PGS1: variants seen among roughly 807,000 people sequenced by gnomAD.
PGS1 encodes phosphatidylglycerophosphate synthase 1.
A neutral mutation model predicts 58.3 loss-of-function variants in PGS1; 44 were observed. The observed-to-expected ratio is 0.75, with a 90% confidence interval of 0.59 to 0.97. The LOEUF is 0.97. PGS1 is among the 50% of genes least tolerant of loss of function. The probability of loss-of-function intolerance (pLI) is 0.00; values close to 1 mark genes in which losing one functional copy is unlikely to be tolerated. For missense variants in PGS1, 684 were observed against 731.1 expected, an observed-to-expected ratio of 0.94 and a Z score of 0.74; for synonymous variants, 330 against 311.0, an observed-to-expected ratio of 1.06 and a Z score of -0.64.
chr17:78,408,705 C>T (rs11871046), intron 7 of PGS1, among the ~76,000 whole-genome samples: 24,134 of 152,198 alleles, frequency 0.16, 2,437 homozygotes, highest in African/African-American at 0.29. Flanking sequence ...GCTTCACCTG[C>T]ATCGCCTTGG....
intron 3 of PGS1, among the ~76,000 whole-genome samples, chr17:78,396,853 C>G (rs1196275212): frequency 6.6e-6 from 1 of 152,252 alleles, no homozygotes; most frequent in African/African-American, 2.4e-5. Context: ...CACACTCATT[C>G]ATTTGTGTAT....
chr17:78,415,553 A>G (rs773866518), intron 8 of PGS1, among the ~76,000 whole-genome samples: 27 of 152,160 alleles, frequency 1.8e-4, no homozygotes, highest in Non-Finnish European at 1.5e-5. Flanking sequence ...AATCGCTTGA[A>G]CCTAGGAAGC....
At chr17:78,401,153 A>T (rs1049997812) in intron 6 of PGS1, among the ~76,000 whole-genome samples, 1 of 152,088 alleles carries the variant, frequency 6.6e-6, no homozygotes, top group Admixed American at 6.5e-5. Context: ...GACTCAGGCA[A>T]GGGTATGCAG....
At chr17:78,390,927 G>T (rs1318792936) in intron 1 of PGS1, among the ~76,000 whole-genome samples, 2 of 152,048 alleles carry the variant, frequency 1.3e-5, no homozygotes, top group Non-Finnish European at 2.9e-5. Flanking sequence ...GAATGAGTAT[G>T]GCTCATCATC....
In PGS1 at chr17:78,420,067, G is replaced by A. The variant is rs912014440; in HGVS notation, c.*10+392G>A. ...GCACACTGGTGCAGGAGATGTAGAC[G>A]TGGGAGGAGGGGAGCACGTTTGCTC... On this transcript the variant is annotated intron_variant, in intron 9 of 9. Coordinates refer to ENST00000262764, the MANE Select transcript of PGS1 (RefSeq NM_024419.5). 5 of 1,062,098 alleles carry A rather than the reference G, an allele frequency of 4.7e-6. No individual in the cohort carries two copies. The South Asian group carries it at 1.2e-4, about 25-fold the overall frequency. 65.8% of individuals were successfully genotyped at this position (1,062,098 alleles called of 1,614,324 possible). A position where few individuals can be genotyped will look rare whatever the true frequency, so the allele number is the denominator to read the frequency against.
At position 78,419,609 on chromosome 17, in the gene PGS1, C is replaced by T. The variant is rs768758442; in HGVS notation, c.1615C>T (p.Arg539Cys). The change falls in exon 9 of 10, where the codon CGC becomes TGC. Residue 539 changes from arginine to cysteine, a missense_variant. Coordinates refer to ENST00000262764, the MANE Select transcript of PGS1 (RefSeq NM_024419.5). ...CTCTGCCACCTTCGAGCAGCCGAGTCGCCAGGTGAAGCTGTGGGTGAAGAT... is the reference window on the plus strand; with the variant it reads ...CTCTGCCACCTTCGAGCAGCCGAGTTGCCAGGTGAAGCTGTGGGTGAAGAT... ...VSSATFEQPSRQVKLWVKMVT... is the reference protein window; with the variant it reads ...VSSATFEQPSCQVKLWVKMVT... 20 of 1,613,978 alleles carry T rather than the reference C, an allele frequency of 1.2e-5. No homozygotes were observed. The highest frequency in any genetic ancestry group is 2.2e-5 in the South Asian group (2 of 91,062).
intron 7 of PGS1, among the ~76,000 whole-genome samples, chr17:78,406,034 C>T (rs572215481): frequency 8.8e-5 from 13 of 147,376 alleles, no homozygotes; most frequent in Middle Eastern, 3.4e-3. Flanking sequence ...ATACTGAAGC[C>T]GGCCAGGCGC....
chr17:78,388,248 G>A (rs550739995), intron 1 of PGS1, among the ~76,000 whole-genome samples: 10 of 152,202 alleles, frequency 6.6e-5, no homozygotes, highest in Non-Finnish European at 1.5e-4. Context: ...GGGGCTCTGG[G>A]CTCATCAGCC....
chr17:78,389,025 A>G (rs1303246979), intron 1 of PGS1, among the ~76,000 whole-genome samples: 3 of 133,660 alleles, frequency 2.2e-5, no homozygotes, highest in African/African-American at 8.5e-5. Flanking sequence ...CTGGGTTGCT[A>G]TGTGCCAAGG....
rs372381715 is a variant in PGS1 at position 78,378,852 on chromosome 17, A to G, written c.143+44A>G. ...ATGAGAGTGCAGCCCTCGCGGCTGC[A>G]GCCCGGCCCCCCGGCGCTCAAACTC... On this transcript the variant is annotated intron_variant, in intron 1 of 9. Transcript: ENST00000262764. The G allele has an allele frequency of 2.7e-4, 363 of 1,359,736 alleles. 2 individuals carry two copies. The African/African-American group carries it at 4.8e-3, about 18-fold the overall frequency. 84.2% of individuals were successfully genotyped at this position (1,359,736 alleles called of 1,614,324 possible). A position where few individuals can be genotyped will look rare whatever the true frequency, so the allele number is the denominator to read the frequency against.
At chr17:78,408,892 T>G (rs2084385866) in intron 7 of PGS1, among the ~76,000 whole-genome samples, 1 of 152,206 alleles carries the variant, frequency 6.6e-6, no homozygotes, top group Admixed American at 6.5e-5. Flanking sequence ...AAGTGCCTCG[T>G]GCTGCCGCAG....
chr17:78,410,827 TCA>T (rs1302312509), intron 7 of PGS1, among the ~76,000 whole-genome samples: 5 of 152,080 alleles, frequency 3.3e-5, no homozygotes, highest in Admixed American at 6.5e-5. Flanking sequence ...ATTATTACTC[TCA>T]GTTTGTTTAT....
chr17:78,419,370 A>G (rs1307424496), intron 8 of PGS1, among the ~76,000 whole-genome samples, 176 bp from the exon 9 acceptor site: 2 of 152,222 alleles, frequency 1.3e-5, no homozygotes, highest in Non-Finnish European at 2.9e-5. Context: ...GACAGTGGCA[A>G]CTTGTAGGGC....
intron 7 of PGS1, among the ~76,000 whole-genome samples, chr17:78,404,545 T>C (rs2083961971): frequency 6.6e-6 from 1 of 151,978 alleles, no homozygotes; most frequent in African/African-American, 2.4e-5. Context: ...TCCCAAGAAG[T>C]GAATTTCAGT....
chr17:78,411,902 CTTTT>C (rs35472026), intron 7 of PGS1, among the ~76,000 whole-genome samples: 1 of 57,986 alleles, frequency 1.7e-5, no homozygotes, highest in African/African-American at 7.6e-5. Context: ...AGGGCTCCTG[CTTTT>C]TTTTTTTTTT....
At chr17:78,379,146 C>G (rs1354347178) in intron 1 of PGS1, among the ~76,000 whole-genome samples, 1 of 152,202 alleles carries the variant, frequency 6.6e-6, no homozygotes, top group Non-Finnish European at 1.5e-5. Context: ...TGTGTGCGTT[C>G]AGGGAGCTTC....
chr17:78,421,354 T>G (rs2085723466), intron 9 of PGS1: 1 of 151,790 alleles, frequency 6.6e-6, no homozygotes, highest in South Asian at 2.1e-4. Context: ...ACTTTGCCTC[T>G]CTAGAAGCAG....
In PGS1 at chr17:78,409,228, C is replaced by T. The variant is rs185128384; in HGVS notation, c.1402+5139C>T. Among the ~76,000 whole-genome samples the T allele has an allele frequency of 2.3e-3, 352 of 152,370 alleles. 2 individuals carry two copies. The highest frequency in any genetic ancestry group is 0.021 in the Admixed American group (327 of 15,308). On this transcript the variant is annotated intron_variant, in intron 7 of 9. Transcript: ENST00000262764. ...CATCTGCTGGGACATGGGCTCTGCC[C>T]TCCGGCGTGCATTTCATGAGGAAGA...
chr17:78,378,842 T>C (rs2081820612), intron 1 of PGS1, 34 bp downstream of exon 1: 1 of 1,370,618 alleles, frequency 7.3e-7, no homozygotes, highest in African/African-American at 1.5e-5. Flanking sequence ...AGTGCAGCCC[T>C]CGCGGCTGCA....
Sources: allele counts gnomAD v4.1 joint callset (sites outside exome capture counted in the v4.1 genomes callset), GRCh38; gene constraint gnomAD v4.1.1; transcripts MANE v1.5; gene names NCBI Gene and HGNC (gene_info 2026-07-23, HGNC 2026-07-21).